CARMIL1: variants seen among roughly 807,000 people sequenced by gnomAD.
The protein encoded by CARMIL1 is capping protein regulator and myosin 1 linker 1, also known as F-actin-uncapping protein LRRC16A.
In CARMIL1, 90 loss-of-function variants were observed where a neutral mutation model predicts 177.1. The ratio of observed to expected loss-of-function variants is 0.51; its 90% CI spans 0.43 to 0.61. The LOEUF (loss-of-function observed/expected upper bound fraction) is 0.61, where lower values mean the gene tolerates loss of function less well. Ranked by LOEUF, CARMIL1 falls within the 20% of genes least tolerant of loss-of-function variation. The pLI, the probability that CARMIL1 is intolerant of heterozygous loss-of-function variation, is 0.00. For synonymous variants in CARMIL1, 577 were observed against 606.2 expected (o/e 0.95, Z 0.71); for missense variants, 1,380 against 1,667.0 (o/e 0.83, Z 3.00).
chr6:25,349,233 A>G (rs954737181), intron 2 of CARMIL1, among the ~76,000 whole-genome samples: 1 of 152,220 alleles, frequency 6.6e-6, no homozygotes, highest in Admixed American at 6.5e-5. Context: ...TGGGACAGTT[A>G]GGCATGCCAG....
intron 2 of CARMIL1, among the ~76,000 whole-genome samples, chr6:25,288,061 G>A (rs774992531): frequency 2.6e-5 from 4 of 152,132 alleles, no homozygotes; most frequent in African/African-American, 9.7e-5. Context: ...TGGATGAATC[G>A]GGGCTTCAGG....
At position 25,324,082 on chromosome 6, in the gene CARMIL1, AC is replaced by A. The variant is rs539988851; in HGVS notation, c.138+39174del. ...TCTGGGAGCCCATGGCTCAGATAAT[AC>A]TCCAGGTAATCATGAATTGTGGGAG... is the stretch of plus-strand genomic sequence containing the variant. On this transcript the variant is annotated intron_variant, in intron 2 of 36. Coordinates refer to ENST00000329474, the MANE Select transcript of CARMIL1 (RefSeq NM_017640.6). Among the ~76,000 whole-genome samples, 44 of 152,270 alleles carry A rather than the reference AC, an allele frequency of 2.9e-4. No individual in the cohort carries two copies. In the South Asian group the frequency reaches 8.5e-3, roughly 29 times the overall value.
intron 2 of CARMIL1, among the ~76,000 whole-genome samples, chr6:25,344,933 C>A (rs1787342213): frequency 6.6e-6 from 1 of 152,184 alleles, no homozygotes; most frequent in Admixed American, 6.5e-5. Context: ...TAAATAAAAA[C>A]ATCCTCTCTT....
intron 2 of CARMIL1, among the ~76,000 whole-genome samples, chr6:25,327,569 T>G (rs1422499753): frequency 6.6e-6 from 1 of 152,232 alleles, no homozygotes; most frequent in Non-Finnish European, 1.5e-5. Flanking sequence ...CGGCTACTAT[T>G]TGCTGTGCAC....
chr6:25,307,309 A>G (rs1187038772), intron 2 of CARMIL1, among the ~76,000 whole-genome samples: 1 of 152,196 alleles, frequency 6.6e-6, no homozygotes, highest in Non-Finnish European at 1.5e-5. Context: ...TTATATACTT[A>G]CATTATGTCA....
At chr6:25,484,164 C>T (rs1179238666) in intron 12 of CARMIL1, among the ~76,000 whole-genome samples, 5 of 152,184 alleles carry the variant, frequency 3.3e-5, no homozygotes, top group Admixed American at 2.6e-4. Flanking sequence ...TGTGTAAATT[C>T]CTCTATCTTA....
chr6:25,616,709 T>G (rs1355097032), intron 36 of CARMIL1, among the ~76,000 whole-genome samples: 1 of 152,246 alleles, frequency 6.6e-6, no homozygotes, highest in African/African-American at 2.4e-5. Context: ...TACTTCAATA[T>G]AGTCGTAGTC....
chr6:25,476,369 T>A (rs1562190238), intron 11 of CARMIL1, among the ~76,000 whole-genome samples: 1 of 152,206 alleles, frequency 6.6e-6, no homozygotes, highest in Non-Finnish European at 1.5e-5. Context: ...CCTCAAATTT[T>A]GACATCCTGG....
At chr6:25,417,216 T>C (rs950487552) in intron 2 of CARMIL1, among the ~76,000 whole-genome samples, 1 of 152,156 alleles carries the variant, frequency 6.6e-6, no homozygotes, top group Non-Finnish European at 1.5e-5. Context: ...TCTAATCTTG[T>C]ATTCCGCTCC....
At chr6:25,401,467 G>C (rs529948929) in intron 2 of CARMIL1, among the ~76,000 whole-genome samples, 20 of 152,346 alleles carry the variant, frequency 1.3e-4, no homozygotes, top group Admixed American at 5.2e-4. Flanking sequence ...TGCTTGTAAA[G>C]TGAATAAAAT....
chr6:25,527,868 G>C (rs113054924), intron 23 of CARMIL1, among the ~76,000 whole-genome samples: 3,214 of 152,274 alleles, frequency 0.021, 85 homozygotes, highest in African/African-American at 0.064. Context: ...TAGCGCTTCA[G>C]AGTTATTAGT....
intron 2 of CARMIL1, among the ~76,000 whole-genome samples, chr6:25,292,051 C>G (rs981433210): frequency 6.6e-6 from 1 of 152,052 alleles, no homozygotes; most frequent in African/African-American, 2.4e-5. Context: ...GTGTTTTATT[C>G]CAGTAGTTAA....
intron 35 of CARMIL1, among the ~76,000 whole-genome samples, chr6:25,607,861 G>T (rs1426364796): frequency 6.6e-6 from 1 of 152,084 alleles, no homozygotes; most frequent in East Asian, 1.9e-4. Flanking sequence ...GTGGTGTACT[G>T]GCTTTACCTC....
chr6:25,486,283 G>C (rs1265660619), intron 12 of CARMIL1, among the ~76,000 whole-genome samples: 1 of 152,100 alleles, frequency 6.6e-6, no homozygotes, highest in Admixed American at 6.6e-5. Context: ...ATGGGATTAG[G>C]GGGCAGCTGA....
intron 2 of CARMIL1, among the ~76,000 whole-genome samples, chr6:25,357,755 G>C (rs1788780878): frequency 6.6e-6 from 1 of 152,120 alleles, no homozygotes; most frequent in South Asian, 2.1e-4. Flanking sequence ...TAAGAAGCTT[G>C]AACTACTTTC....
intron 3 of CARMIL1, among the ~76,000 whole-genome samples, chr6:25,422,263 A>G (rs1281587439): frequency 6.6e-6 from 1 of 152,168 alleles, no homozygotes. Flanking sequence ...TTTGCTCATT[A>G]GTCCTTTCTT....
chr6:25,495,616 A>T (rs971835813), intron 16 of CARMIL1, among the ~76,000 whole-genome samples: 1 of 151,806 alleles, frequency 6.6e-6, no homozygotes, highest in Non-Finnish European at 1.5e-5. Flanking sequence ...ACTAATAGTA[A>T]TAAACTCTAA....
At chr6:25,316,211 T>C (rs562030673) in intron 2 of CARMIL1, among the ~76,000 whole-genome samples, 2 of 152,338 alleles carry the variant, frequency 1.3e-5, no homozygotes, top group East Asian at 3.9e-4. Flanking sequence ...TAAAACAGGT[T>C]AAAATTGCAT....
At chr6:25,549,509 T>C (rs1481741114) in intron 26 of CARMIL1, among the ~76,000 whole-genome samples, 1 of 152,206 alleles carries the variant, frequency 6.6e-6, no homozygotes, top group African/African-American at 2.4e-5. Context: ...ATTCAGTGAT[T>C]ATTCAACCAG....
Sources: gnomAD v4.1 joint callset for allele counts (sites outside exome capture counted in the v4.1 genomes callset) on GRCh38, gnomAD v4.1.1 for gene constraint, MANE v1.5 for transcripts, NCBI Gene and HGNC (gene_info 2026-07-23, HGNC 2026-07-21) for gene names.